Variants in ATP8A2 observed in about 807,000 individuals in gnomAD.
ATP8A2 encodes phospholipid-transporting ATPase IB.
Under a neutral mutation model 165.6 loss-of-function variants are expected in ATP8A2, and 100 were observed. That is an observed-to-expected ratio of 0.60 (90% CI 0.51 to 0.71). ATP8A2 has a LOEUF of 0.71. Ranked by LOEUF, ATP8A2 falls within the 30% of genes least tolerant of loss-of-function variation. The pLI is 0.00. For synonymous variants in ATP8A2, 543 were observed against 548.8 expected (o/e 0.99, Z 0.15); for missense variants, 1,227 against 1,479.5 (o/e 0.83, Z 2.80).
intron 25 of ATP8A2, among the ~76,000 whole-genome samples, chr13:25,751,697 G>A (rs2044156728): frequency 6.6e-6 from 1 of 152,160 alleles, no homozygotes; most frequent in Non-Finnish European, 1.5e-5. Context: ...AAGCCCAGGA[G>A]TTTGGCCTCC....
intron 25 of ATP8A2, among the ~76,000 whole-genome samples, chr13:25,754,298 CA>C (rs1391434635): frequency 8.5e-5 from 13 of 152,206 alleles, no homozygotes; most frequent in African/African-American, 3.1e-4. Flanking sequence ...ACAGAACAGG[CA>C]TGCCACTATG....
chr13:25,867,167 A>G (rs1276224456), intron 33 of ATP8A2, among the ~76,000 whole-genome samples: 2 of 147,928 alleles, frequency 1.4e-5, no homozygotes, highest in South Asian at 4.3e-4. Flanking sequence ...CATTCTAAAT[A>G]CAGGAATGGG....
At chr13:25,691,739 G>T (rs1283807687) in intron 24 of ATP8A2, among the ~76,000 whole-genome samples, 3 of 152,156 alleles carry the variant, frequency 2.0e-5, no homozygotes, top group African/African-American at 7.2e-5. Context: ...TAAATTTAGG[G>T]ATATTCCTAG....
At chr13:25,533,407 C>A in intron 6 of ATP8A2, 94 bp downstream of exon 6, 1 of 716,006 alleles carries the variant, frequency 1.4e-6, no homozygotes, top group Non-Finnish European at 2.4e-6. Context: ...TTCTGTTAGA[C>A]ACAGTAGAGT....
intron 26 of ATP8A2, among the ~76,000 whole-genome samples, chr13:25,770,632 G>C (rs1348058488): frequency 6.6e-6 from 1 of 152,148 alleles, no homozygotes; most frequent in African/African-American, 2.4e-5. Context: ...AATCGGCTCT[G>C]TCTAGGCAGT....
intron 27 of ATP8A2, among the ~76,000 whole-genome samples, chr13:25,805,648 C>CATAT (rs769337303): frequency 3.8e-4 from 58 of 152,304 alleles, no homozygotes; most frequent in Non-Finnish European, 1.3e-4. Context: ...TAAAGCAGTG[C>CATAT]ATATATAGTC....
At chr13:25,848,576 G>A (rs868328033) in intron 30 of ATP8A2, among the ~76,000 whole-genome samples, 30 of 152,194 alleles carry the variant, frequency 2.0e-4, no homozygotes, top group African/African-American at 7.0e-4. Context: ...AGTGAAAAAA[G>A]AGAAAGATTG....
chr13:25,780,744 A>T (rs1312648899), intron 27 of ATP8A2, among the ~76,000 whole-genome samples: 1 of 151,872 alleles, frequency 6.6e-6, no homozygotes, highest in Non-Finnish European at 1.5e-5. Flanking sequence ...TGCAAACTAG[A>T]TCCCTTGCAT....
intron 28 of ATP8A2, among the ~76,000 whole-genome samples, chr13:25,835,640 G>A (rs917477347): frequency 1.5e-4 from 23 of 151,926 alleles, no homozygotes; most frequent in Admixed American, 3.9e-4. Context: ...GGACCCTCAG[G>A]GCCAACATGT....
At chr13:26,002,562 TAA>T (rs56339912) in intron 35 of ATP8A2, among the ~76,000 whole-genome samples, 8 of 135,436 alleles carry the variant, frequency 5.9e-5, no homozygotes, top group African/African-American at 1.3e-4. Flanking sequence ...CTTAAAGTAT[TAA>T]AAAAAAAAAA....
At chr13:25,419,960 A>G (rs1007626150) in intron 1 of ATP8A2, among the ~76,000 whole-genome samples, 1 of 152,204 alleles carries the variant, frequency 6.6e-6, no homozygotes, top group African/African-American at 2.4e-5. Context: ...CAGAGAATTG[A>G]GGCAGGTGGG....
At chr13:25,745,793 T>G (rs1196394325) in intron 25 of ATP8A2, among the ~76,000 whole-genome samples, 1 of 152,238 alleles carries the variant, frequency 6.6e-6, no homozygotes. Context: ...TAAGTAAGAT[T>G]ACTTTTAAGC....
chr13:25,531,443 GA>G (rs570338638), intron 4 of ATP8A2, among the ~76,000 whole-genome samples: 3,971 of 58,032 alleles, frequency 0.068, 153 homozygotes, highest in Middle Eastern at 0.1. Flanking sequence ...TTATATATAT[GA>G]TTATATATAT....
At chr13:25,759,225 T>C (rs538353302) in intron 25 of ATP8A2, among the ~76,000 whole-genome samples, 32 of 152,198 alleles carry the variant, frequency 2.1e-4, no homozygotes, top group African/African-American at 7.7e-4. Flanking sequence ...TACAGTTTGG[T>C]GTAGATATGG....
intron 33 of ATP8A2, among the ~76,000 whole-genome samples, chr13:25,864,896 G>T (rs1038638559): frequency 1.3e-5 from 2 of 152,192 alleles, no homozygotes; most frequent in African/African-American, 4.8e-5. Context: ...GCCAGGAAAT[G>T]TGTAACTTTA....
intron 35 of ATP8A2, among the ~76,000 whole-genome samples, chr13:25,977,224 T>G (rs576257851): frequency 1.8e-4 from 28 of 151,880 alleles, no homozygotes; most frequent in African/African-American, 6.5e-4. Context: ...ATTGAATGCG[T>G]TTAATCTTGT....
At chr13:25,711,769 A>AT (rs1401583401) in intron 25 of ATP8A2, among the ~76,000 whole-genome samples, 1 of 152,182 alleles carries the variant, frequency 6.6e-6, no homozygotes, top group Non-Finnish European at 1.5e-5. Context: ...TATGATCCAG[A>AT]TTTATAGTCA....
intron 24 of ATP8A2, among the ~76,000 whole-genome samples, chr13:25,668,961 T>G (rs534113003): frequency 3.3e-5 from 5 of 152,334 alleles, no homozygotes; most frequent in South Asian, 4.1e-4. Context: ...CCTCTACTTT[T>G]TTTGTCCATG....
At chr13:25,923,680 A>G (rs150550444) in intron 33 of ATP8A2, among the ~76,000 whole-genome samples, 5 of 152,060 alleles carry the variant, frequency 3.3e-5, no homozygotes, top group African/African-American at 1.2e-4. Flanking sequence ...GTCCCCTAGA[A>G]GACATCAAAA....
Sources: gnomAD v4.1 joint callset for allele counts (sites outside exome capture counted in the v4.1 genomes callset) on GRCh38, gnomAD v4.1.1 for gene constraint, MANE v1.5 for transcripts, NCBI Gene and HGNC (gene_info 2026-07-23, HGNC 2026-07-21) for gene names.